GPN1: variants seen among roughly 807,000 people sequenced by gnomAD.
The protein encoded by GPN1 is GPN-loop GTPase 1, also known as ATP(GTP)-binding protein.
In GPN1, 44 loss-of-function variants were observed where a neutral mutation model predicts 55.9. That is an observed-to-expected ratio of 0.79 (90% CI 0.62 to 1.01). The LOEUF (loss-of-function observed/expected upper bound fraction) is 1.01, where lower values mean the gene tolerates loss of function less well. GPN1 is among the 50% of genes least tolerant of loss of function. The pLI, the probability that GPN1 is intolerant of heterozygous loss-of-function variation, is 0.00. For missense variants in GPN1, 466 were observed against 462.8 expected (o/e 1.01, Z -0.06); for synonymous variants, 179 against 162.5 (o/e 1.10, Z -0.77).
At chr2:27,636,467 C>T (rs1039347169) in intron 7 of GPN1, among the ~76,000 whole-genome samples, 1 of 152,102 alleles carries the variant, frequency 6.6e-6, no homozygotes, top group Non-Finnish European at 1.5e-5. Context: ...AGCATTATTT[C>T]ATTTTCATAT....
rs566912785 is a variant in GPN1, at chr2:27,650,710, A to G, written c.*510A>G. ...GCAGAGTCTCCTTGGCAATCAACCA[A>G]CGTTGCTATGAAATATGCCTCACAC... On this transcript the variant is annotated 3_prime_UTR_variant, in exon 14 of 14. Transcript: ENST00000610189. 4 of 153,444 alleles carry G rather than the reference A, an allele frequency of 2.6e-5. No homozygotes were observed. The East Asian group carries it at 7.5e-4, about 29-fold the overall frequency. The allele number at this position is 153,444 out of a possible 1,614,324, so 9.5% of individuals were successfully genotyped here. A position where few individuals can be genotyped will look rare whatever the true frequency, so the allele number is the denominator to read the frequency against.
chr2:27,641,054 C>T (rs976113292), intron 10 of GPN1, among the ~76,000 whole-genome samples, 186 bp from the exon 11 acceptor site: 4 of 152,008 alleles, frequency 2.6e-5, no homozygotes, highest in Non-Finnish European at 4.4e-5. Flanking sequence ...AAGGTGGGAG[C>T]GGGCACCTTG....
In GPN1 at chr2:27,649,018, C is replaced by T. The variant is rs532770237; in HGVS notation, c.1039+1075C>T. Among the ~76,000 whole-genome samples, 9 of 151,116 alleles carry T rather than the reference C, an allele frequency of 6.0e-5. No homozygotes were observed. In the East Asian group the frequency reaches 1.4e-3, roughly 24 times the overall value. On this transcript the variant is annotated intron_variant, in intron 13 of 13. Coordinates refer to ENST00000610189, the MANE Select transcript of GPN1 (RefSeq NM_007266.4). ...CCAGCACTTTGAGAGCCAAGGTGGG[C>T]GGATCACCTGAGGCCAGGAGTTCAA...
intron 7 of GPN1, among the ~76,000 whole-genome samples, chr2:27,636,480 A>ATTAT (rs930417172): frequency 3.6e-4 from 54 of 152,104 alleles, no homozygotes; most frequent in South Asian, 6.2e-4. Flanking sequence ...TTTCATATTA[A>ATTAT]TTATTTATTT....
chr2:27,642,052 C>T (rs1673979125), intron 11 of GPN1: 1 of 159,050 alleles, frequency 6.3e-6, no homozygotes, highest in Non-Finnish European at 1.4e-5. Flanking sequence ...ATTTTGTAGG[C>T]TGGGGATGAA....
intron 5 of GPN1, 116 bp downstream of exon 5, chr2:27,632,786 T>C: frequency 1.4e-6 from 1 of 715,198 alleles, no homozygotes; most frequent in Non-Finnish European, 2.4e-6. Flanking sequence ...ATGAAACCAT[T>C]AGGAGTGAAA....
intron 12 of GPN1, among the ~76,000 whole-genome samples, chr2:27,644,546 T>C (rs1421630968): frequency 6.6e-6 from 1 of 152,150 alleles, no homozygotes; most frequent in Non-Finnish European, 1.5e-5. Context: ...TCACCTATTT[T>C]TTTTTATAGA....
At chr2:27,646,317 C>T (rs1674228071) in intron 12 of GPN1, among the ~76,000 whole-genome samples, 2 of 152,166 alleles carry the variant, frequency 1.3e-5, no homozygotes, top group Admixed American at 6.5e-5. Context: ...GCTGGGATTA[C>T]AGGCATGAGC....
chr2:27,649,678 C>T (rs1054648175), intron 13 of GPN1, among the ~76,000 whole-genome samples: 1 of 152,040 alleles, frequency 6.6e-6, no homozygotes. Context: ...TGTAGTCTCT[C>T]CATGTTGTTG....
intron 11 of GPN1, 137 bp from the exon 12 acceptor site, chr2:27,642,292 A>G (rs1214110135): frequency 6.4e-6 from 4 of 626,984 alleles, no homozygotes; most frequent in African/African-American, 3.7e-5. Context: ...TTCTGTCCCT[A>G]TACCAGACGT....
chr2:27,639,131 A>C, intron 9 of GPN1, 100 bp downstream of exon 9: 1 of 918,660 alleles, frequency 1.1e-6, no homozygotes, highest in Non-Finnish European at 1.7e-6. Context: ...CTTATTACCT[A>C]CTGAAAAGTA....
At position 27,631,905 on chromosome 2, in the gene GPN1, ATC is replaced by A; in HGVS notation, c.312+7_312+8del. The A allele has an allele frequency of 6.7e-7, 1 of 1,499,116 alleles. No homozygotes were observed. The highest frequency in any genetic ancestry group is 2.3e-5 in the East Asian group (1 of 44,380). The allele number at this position is 1,499,116 out of a possible 1,614,324, so 92.9% of individuals were successfully genotyped here. A position where few individuals can be genotyped will look rare whatever the true frequency, so the allele number is the denominator to read the frequency against. ...TTTGCTACCAGATTTGATCAGGTAT[ATC>A]TGTCTTTAGTATATTAATATGGTTG... On this transcript the variant is annotated splice_donor_region_variant and intron_variant, in intron 4 of 13. Transcript: ENST00000610189.
intron 12 of GPN1, among the ~76,000 whole-genome samples, chr2:27,644,278 TTTAG>T (rs1674108023): frequency 6.6e-6 from 1 of 152,210 alleles, no homozygotes; most frequent in South Asian, 2.1e-4. Flanking sequence ...TAAATATCCT[TTTAG>T]TTTTCTAATG....
chr2:27,638,749 T>A, intron 8 of GPN1, 136 bp from the exon 9 acceptor site: 1 of 673,182 alleles, frequency 1.5e-6, no homozygotes, highest in Non-Finnish European at 2.5e-6. Context: ...TTGTGGCTTG[T>A]TGCAATGGAG....
rs751966289 is a variant in GPN1, at chr2:27,632,680, G to A, written c.350+10G>A. ...CCCAGAACATGTCCAAGTAAGTGAT[G>A]TCAGTAACACCCATTTATTACTCTG... On this transcript the variant is annotated intron_variant, in intron 5 of 13. Coordinates refer to ENST00000610189, the MANE Select transcript of GPN1 (RefSeq NM_007266.4). 3.0e-5 allele frequency: 47 copies of A among 1,549,872 alleles called. No individual in the cohort carries two copies. Among genetic ancestry groups the A allele is most frequent in the South Asian group, 4.5e-5 (4 of 89,676 alleles).
Position 27,641,369 on chromosome 2 carries a change from T to C in GPN1, c.840+90T>C, listed in dbSNP as rs1673943273. The stretch of plus-strand genomic sequence containing the variant: ...GACATAAGTGCTTTTGTTTTGGTTA[T>C]TAATGTATCTTTTATTTAATTAAAA... On this transcript the variant is annotated intron_variant, in intron 11 of 13. Coordinates refer to ENST00000610189, the MANE Select transcript of GPN1 (RefSeq NM_007266.4). 4.5e-6 allele frequency: 4 copies of C among 885,908 alleles called. No homozygotes were observed. The South Asian group carries it at 6.2e-5, about 14-fold the overall frequency. 54.9% of individuals were successfully genotyped at this position (885,908 alleles called of 1,614,324 possible). A position where few individuals can be genotyped will look rare whatever the true frequency, so the allele number is the denominator to read the frequency against.
rs1673596531 is a variant in GPN1 at position 27,632,632 on chromosome 2, G to C, written c.313-1G>C. ...TTGTCATTGACATCTTTTTCTTTTA[G>C]GTGATGAAATTTATTGAGAAGGCCC... On this transcript the variant is annotated splice_acceptor_variant, in intron 4 of 13. Coordinates refer to ENST00000610189, the MANE Select transcript of GPN1 (RefSeq NM_007266.4). LOFTEE classifies it high-confidence loss of function. 1 of 1,596,534 alleles carries C rather than the reference G, an allele frequency of 6.3e-7. No individual in the cohort carries two copies. Among genetic ancestry groups the C allele is most frequent in the South Asian group, 1.1e-5 (1 of 90,656 alleles).
At chr2:27,641,519 A>C (rs1026450225) in intron 11 of GPN1, among the ~76,000 whole-genome samples, 6 of 152,086 alleles carry the variant, frequency 3.9e-5, no homozygotes, top group Admixed American at 1.3e-4. Flanking sequence ...AAGTCTCCTT[A>C]ATGTTTCTTC....
intron 7 of GPN1, among the ~76,000 whole-genome samples, chr2:27,636,488 T>A (rs757343561): frequency 4.1e-4 from 63 of 152,198 alleles, no homozygotes; most frequent in Middle Eastern, 3.4e-3. Flanking sequence ...TAATTATTTA[T>A]TTATTTATTT....
Sources: gnomAD v4.1 joint callset for allele counts (sites outside exome capture counted in the v4.1 genomes callset) on GRCh38, gnomAD v4.1.1 for gene constraint, MANE v1.5 for transcripts, NCBI Gene and HGNC (gene_info 2026-07-23, HGNC 2026-07-21) for gene names.